The following SLC26A4 variants were observed in gnomAD, a reference collection of about 807,000 sequenced individuals.
SLC26A4 encodes solute carrier family 26 member 4.
A neutral mutation model predicts 90.4 loss-of-function variants in SLC26A4; 93 were observed. That is an observed-to-expected ratio of 1.03 (90% CI 0.87 to 1.22). The LOEUF (loss-of-function observed/expected upper bound fraction) is 1.22, where lower values mean the gene tolerates loss of function less well. Ranked by LOEUF, SLC26A4 falls within the 50% of genes most tolerant of loss-of-function variation. The pLI is 0.00. For synonymous variants in SLC26A4, 393 were observed against 354.6 expected (o/e 1.11, Z -1.22); for missense variants, 1,127 against 946.2 (o/e 1.19, Z -2.51).
chr7:107,682,121 AAAAAAAAAATT>A (rs1450691396), intron 6 of SLC26A4, among the ~76,000 whole-genome samples: 2 of 142,462 alleles, frequency 1.4e-5, no homozygotes, highest in East Asian at 1.9e-4. Context: ...AAAAAAAAAA[AAAAAAAAAATT>A]TTTTTTATGT....
intron 3 of SLC26A4, among the ~76,000 whole-genome samples, chr7:107,665,846 G>A (rs1238436839): frequency 2.0e-5 from 3 of 152,088 alleles, no homozygotes; most frequent in Non-Finnish European, 4.4e-5. Flanking sequence ...GGTACAGCTG[G>A]GATTTTAATC....
intron 17 of SLC26A4, 133 bp downstream of exon 17, chr7:107,702,190 T>A: frequency 1.4e-6 from 1 of 721,712 alleles, no homozygotes. Flanking sequence ...TGTAAAAAAG[T>A]GTAATATTTT....
intron 13 of SLC26A4, among the ~76,000 whole-genome samples, chr7:107,697,182 AT>A (rs941665524): frequency 6.6e-6 from 1 of 152,084 alleles, no homozygotes; most frequent in Non-Finnish European, 1.5e-5. Context: ...CTCAGTGTCT[AT>A]TTTTTCTTGT....
At position 107,683,334 on chromosome 7, in the gene SLC26A4, A is replaced by G. The variant is rs111033304; in HGVS notation, c.898A>G (p.Ile300Val). 6.2e-7 allele frequency: 1 copy of G among 1,613,866 alleles called. No individual in the cohort carries two copies. The highest frequency in any genetic ancestry group is 1.1e-5 in the South Asian group (1 of 91,076). Residue 300 changes from isoleucine (I) to valine (V), a missense_variant, in exon 7 of 21, where the codon ATT becomes GTT. Ile to Val is a conservative substitution (Grantham distance 29, BLOSUM62 3). Coordinates refer to ENST00000644269, the MANE Select transcript of SLC26A4 (RefSeq NM_000441.2). ...DRFRHKIPVP[I>V]PIEVIVTIIA... ...GTTTAGACACAAAATCCCAGTCCCT[A>G]TTCCTATAGAAGTAATTGTGGTAAG... is the stretch of plus-strand genomic sequence containing the variant.
At chr7:107,677,588 C>T (rs1399160603) in intron 6 of SLC26A4, among the ~76,000 whole-genome samples, 2 of 151,614 alleles carry the variant, frequency 1.3e-5, no homozygotes, top group Non-Finnish European at 2.9e-5. Context: ...GTCAAATCCT[C>T]AGTTTTCTAT....
At chr7:107,697,066 C>A (rs750774480) in intron 13 of SLC26A4, among the ~76,000 whole-genome samples, 1 of 152,186 alleles carries the variant, frequency 6.6e-6, no homozygotes, top group Non-Finnish European at 1.5e-5. Context: ...TAAATGATTG[C>A]CCAAGGGCCT....
chr7:107,666,681 T>C (rs1315715817), intron 3 of SLC26A4, among the ~76,000 whole-genome samples: 3 of 152,078 alleles, frequency 2.0e-5, no homozygotes, highest in African/African-American at 7.2e-5. Flanking sequence ...CCAGAAAACT[T>C]AGCATTTTCC....
rs899950401 is a variant in SLC26A4 at position 107,661,554 on chromosome 7, C to T, written c.-3-85C>T. Reference sequence around the variant, plus strand: ...GGCCTGGCTGCAGCTAACAGGTGATCCCGTTCTTTCTGTTCCTCGCTCTTC... The same window carrying T: ...GGCCTGGCTGCAGCTAACAGGTGATTCCGTTCTTTCTGTTCCTCGCTCTTC... On this transcript the variant is annotated intron_variant, in intron 1 of 20. Coordinates refer to ENST00000644269, the MANE Select transcript of SLC26A4 (RefSeq NM_000441.2). The surrounding 1 kb of genome is among the most constrained non-coding windows in gnomAD (Gnocchi z 5.1). The T allele has an allele frequency of 1.0e-5, 14 of 1,405,314 alleles. No homozygotes were observed. The highest frequency in any genetic ancestry group is 4.3e-5 in the African/African-American group (3 of 70,456). 87.1% of individuals were successfully genotyped at this position (1,405,314 alleles called of 1,614,324 possible). A position where few individuals can be genotyped will look rare whatever the true frequency, so the allele number is the denominator to read the frequency against.
At chr7:107,691,514 T>TACACAGACACAC in intron 10 of SLC26A4, among the ~76,000 whole-genome samples, 1 of 130,978 alleles carries the variant, frequency 7.6e-6, no homozygotes, top group Admixed American at 8.0e-5. Flanking sequence ...AATATATATA[T>TACACAGACACAC]ACACACACAC....
chr7:107,701,855 C>G lies in SLC26A4; in HGVS notation c.1832C>G (p.Thr611Arg), dbSNP rs1562839444. Residue 611 changes from threonine to arginine, a missense_variant, in exon 17 of 21, where the codon ACA becomes AGA. Transcript: ENST00000644269. Reference sequence around the variant, plus strand: ...GGCATCATAAGTGATGCTGTTTCAACAAATAATGCTTTTGAGCCTGATGAG... The same window carrying G: ...GGCATCATAAGTGATGCTGTTTCAAGAAATAATGCTTTTGAGCCTGATGAG... ...KNGIISDAVS[T>R]NNAFEPDEDI... 6.2e-7 allele frequency: 1 copy of G among 1,611,378 alleles called. No homozygotes were observed. Among genetic ancestry groups the G allele is most frequent in the Non-Finnish European group, 8.5e-7 (1 of 1,177,568 alleles).
chr7:107,682,870 T>A (rs1791284563), intron 6 of SLC26A4, among the ~76,000 whole-genome samples: 1 of 152,172 alleles, frequency 6.6e-6, no homozygotes, highest in Non-Finnish European at 1.5e-5. Context: ...ATAATGACAT[T>A]TTTTCTTTTA....
intron 6 of SLC26A4, among the ~76,000 whole-genome samples, 192 bp downstream of exon 6, chr7:107,675,301 A>AG (rs1562824593): frequency 1.6e-4 from 24 of 149,328 alleles, no homozygotes; most frequent in African/African-American, 5.5e-4. Flanking sequence ...AAAAAAAAAA[A>AG]AAAAAGAAAG....
chr7:107,683,911 C>T (rs1418798200), intron 8 of SLC26A4, among the ~76,000 whole-genome samples: 1 of 152,108 alleles, frequency 6.6e-6, no homozygotes, highest in Non-Finnish European at 1.5e-5. Context: ...GACGTCTGGC[C>T]TAAATTCTCT....
In SLC26A4 at chr7:107,674,431, C is replaced by G. The variant is rs75466362; in HGVS notation, c.600+83C>G. ...AAAGCATATAGACTTAAAGATTCTA[C>G]TAAAAACAAAACAAAGTAATTTCCT... On this transcript the variant is annotated intron_variant, in intron 5 of 20. Coordinates refer to ENST00000644269, the MANE Select transcript of SLC26A4 (RefSeq NM_000441.2). 943 of 1,127,490 alleles carry G rather than the reference C, an allele frequency of 8.4e-4. 6 individuals are homozygous for G. In the African/African-American group the frequency reaches 0.012, roughly 15 times the overall value. 69.8% of individuals were successfully genotyped at this position (1,127,490 alleles called of 1,614,324 possible).
intron 10 of SLC26A4, chr7:107,691,739 AC>A (rs1179611874): frequency 4.9e-5 from 46 of 938,540 alleles, no homozygotes; most frequent in Non-Finnish European, 5.7e-5. Flanking sequence ...CTGCTTTTCA[AC>A]AAAAAATTTT....
At chr7:107,667,976 A>G (rs1474653133) in intron 3 of SLC26A4, among the ~76,000 whole-genome samples, 3 of 152,084 alleles carry the variant, frequency 2.0e-5, no homozygotes, top group African/African-American at 7.2e-5. Context: ...GATTGAGGTA[A>G]GTAGGGGAGG....
chr7:107,683,337 C>T lies in SLC26A4; in HGVS notation c.901C>T (p.Pro301Ser), dbSNP rs1328867695. 1 of 1,613,662 alleles carries T rather than the reference C, an allele frequency of 6.2e-7. No homozygotes were observed. The highest frequency in any genetic ancestry group is 8.5e-7 in the Non-Finnish European group (1 of 1,179,702). Residue 301 changes from proline (P) to serine (S), a missense_variant, in exon 7 of 21, where the codon CCT (proline) becomes TCT (serine). Physicochemically the swap from Pro to Ser is moderately conservative, Grantham distance 74. Coordinates refer to ENST00000644269, the MANE Select transcript of SLC26A4 (RefSeq NM_000441.2). ...TAGACACAAAATCCCAGTCCCTATT[C>T]CTATAGAAGTAATTGTGGTAAGTAG... is the stretch of plus-strand genomic sequence containing the variant. ...RFRHKIPVPI[P>S]IEVIVTIIAT...
chr7:107,676,147 C>T (rs969468796), intron 6 of SLC26A4, among the ~76,000 whole-genome samples: 1 of 152,146 alleles, frequency 6.6e-6, no homozygotes, highest in Admixed American at 6.5e-5. Context: ...TGTCTACTAG[C>T]CATGTGAGCC....
chr7:107,696,028 G>C lies in SLC26A4; in HGVS notation c.1533G>C (p.Leu511=). 6.3e-7 allele frequency: 1 copy of C among 1,594,692 alleles called. No homozygotes were observed. Among genetic ancestry groups the C allele is most frequent in the Non-Finnish European group, 8.6e-7 (1 of 1,162,474 alleles). ...GLIFGLLTVV[L]RVQFPSWNGL... ...TATTTGGACTGTTGACTGTGGTCCT[G>C]AGAGTTCAGTTGTGAGTAACGTAAA... Residue 511 remains leucine, a synonymous_variant, in exon 13 of 21, where the codon CTG becomes CTC. Transcript: ENST00000644269.
Sources: gnomAD v4.1 joint callset for allele counts (sites outside exome capture counted in the v4.1 genomes callset) on GRCh38, gnomAD v4.1.1 for gene constraint, Gnocchi (gnomAD v3.1) non-coding constraint, MANE v1.5 for transcripts, NCBI Gene and HGNC (gene_info 2026-07-23, HGNC 2026-07-21) for gene names.